ARL10: variants seen among roughly 807,000 people sequenced by gnomAD.
The protein encoded by ARL10 is ARF like GTPase 10.
A neutral mutation model predicts 26.1 loss-of-function variants in ARL10; 23 were observed. The ratio of observed to expected loss-of-function variants is 0.88; its 90% CI spans 0.63 to 1.25. ARL10 has a LOEUF of 1.25. Among genes scored for constraint, ARL10 ranks in the 50% most tolerant of loss-of-function variants. The pLI is 0.00. For synonymous variants in ARL10, 138 were observed against 149.1 expected, an observed-to-expected ratio of 0.93 and a Z score of 0.54; for missense variants, 300 against 323.6, an observed-to-expected ratio of 0.93 and a Z score of 0.56.
rs763926791 is a variant in ARL10 at position 176,371,934 on chromosome 5, A to G, written c.*39A>G. On this transcript the variant is annotated 3_prime_UTR_variant, in exon 4 of 4. Coordinates refer to ENST00000310389, the MANE Select transcript of ARL10 (RefSeq NM_173664.6). The stretch of plus-strand genomic sequence containing the variant: ...TGCTTGCCACCTGCCTGTCAAGACC[A>G]TAGTTGTACTGCTGCTGCTTCATTG... The G allele has an allele frequency of 1.4e-5, 22 of 1,599,376 alleles. No homozygotes were observed. The South Asian group carries it at 2.3e-4, about 17-fold the overall frequency.
intron 1 of ARL10, chr5:176,388,150 G>T: frequency 1.0e-6 from 1 of 998,688 alleles, no homozygotes. Flanking sequence ...GGGAAGGAAT[G>T]GGCAGTACCA....
downstream of ARL10, chr5:176,406,462 G>A (rs200778036): frequency 2.9e-5 from 34 of 1,181,986 alleles, no homozygotes; most frequent in Non-Finnish European, 3.6e-5. Flanking sequence ...ATCCTTCTTT[G>A]GGATTGATCA....
chr5:176,396,644 G>T, intron 1 of ARL10: 1 of 787,242 alleles, frequency 1.3e-6, no homozygotes. Flanking sequence ...ACCTCCAGTG[G>T]GAGAAATGTT....
rs551399085 is a variant in ARL10 at position 176,374,732 on chromosome 5, A to T, written c.*2837A>T. On this transcript the variant is annotated 3_prime_UTR_variant, in exon 4 of 4. Coordinates refer to ENST00000310389, the MANE Select transcript of ARL10 (RefSeq NM_173664.6). ...TAGTTAGCTTTTGGTAACACAAGTC[A>T]TGGTGATTGGGATACCCACTAAAAG... The T allele has an allele frequency of 9.2e-5, 14 of 152,262 alleles. No individual in the cohort carries two copies. Among genetic ancestry groups the T allele is most frequent in the Non-Finnish European group, 1.3e-4 (9 of 68,050 alleles). 9.4% of individuals were successfully genotyped at this position (152,262 alleles called of 1,614,324 possible). A position where few individuals can be genotyped will look rare whatever the true frequency, so the allele number is the denominator to read the frequency against.
chr5:176,371,457 T>TTTAG (rs766301618), intron 3 of ARL10, among the ~76,000 whole-genome samples: 2 of 152,130 alleles, frequency 1.3e-5, no homozygotes, highest in Non-Finnish European at 2.9e-5. Context: ...GAGCATTGAG[T>TTTAG]TTAGGCCAAG....
At chr5:176,384,080 G>A (rs765125024), downstream of ARL10, 3 of 1,593,326 alleles carry the variant, frequency 1.9e-6, no homozygotes, top group Non-Finnish European at 2.6e-6. Context: ...CCCCAGAGCG[G>A]GGAGTGTGCA....
chr5:176,411,386 A>G, the ARL10 span, among the ~76,000 whole-genome samples: 2 of 152,176 alleles, frequency 1.3e-5, no homozygotes, highest in Admixed American at 6.5e-5. Flanking sequence ...AGTGGCCTAT[A>G]GCGCCTACTC....
At chr5:176,389,037 G>A, downstream of ARL10, 2 of 1,587,834 alleles carry the variant, frequency 1.3e-6, no homozygotes, top group Non-Finnish European at 1.7e-6. Flanking sequence ...AGGAAGTAGA[G>A]AAGGACCAGA....
the ARL10 span, among the ~76,000 whole-genome samples, chr5:176,410,999 C>T: frequency 3.3e-5 from 5 of 152,350 alleles, no homozygotes; most frequent in Middle Eastern, 3.4e-3. Context: ...TCTCCCGCAG[C>T]TCAGCCCCAG....
At position 176,380,670 on chromosome 5, in the gene ARL10, A is replaced by AG. The variant is rs1432217430; in HGVS notation, c.*8778dup. The AG allele has an allele frequency of 6.6e-6, 1 of 151,980 alleles. No homozygotes were observed. The highest frequency in any genetic ancestry group is 2.4e-5 in the African/African-American group (1 of 41,350). 9.4% of individuals were successfully genotyped at this position (151,980 alleles called of 1,614,324 possible). ...CCCAGCTAATTTTTGTATTTTTAGT[A>AG]GGGAGGGGTTTCGCCACATTGGCCA... On this transcript the variant is annotated 3_prime_UTR_variant, in exon 4 of 4. Coordinates refer to ENST00000310389, the MANE Select transcript of ARL10 (RefSeq NM_173664.6).
chr5:176,383,952 A>T (rs574881052), downstream of ARL10: 1 of 1,491,570 alleles, frequency 6.7e-7, no homozygotes, highest in East Asian at 2.5e-5. Flanking sequence ...GAAGTAAAAT[A>T]TATTTGCTTT....
the ARL10 span, among the ~76,000 whole-genome samples, chr5:176,411,947 T>A: frequency 2.0e-5 from 3 of 151,778 alleles, no homozygotes; most frequent in Admixed American, 2.0e-4. Context: ...GAGGCTGAGG[T>A]GGGCAGATCA....
chr5:176,390,359 G>C (rs1441143795), downstream of ARL10, among the ~76,000 whole-genome samples: 1 of 151,754 alleles, frequency 6.6e-6, no homozygotes, highest in African/African-American at 2.4e-5. Flanking sequence ...AGAGGGTTCT[G>C]CCCTCCACTC....
chr5:176,406,748 C>T (rs1238999705), downstream of ARL10: 7 of 1,262,308 alleles, frequency 5.5e-6, no homozygotes, highest in Non-Finnish European at 7.2e-6. Flanking sequence ...AAAGCTCTGT[C>T]TGGGATCCTT....
rs927418809 is a variant in ARL10 at position 176,393,958 on chromosome 5, C to G, written c.134-7783C>G. The stretch of plus-strand genomic sequence containing the variant: ...TCAAGCAGGACCAGTTCTGCCGATG[C>G]CAGACATGACTGATGGCAGGAGCGC... On this transcript the variant is annotated intron_variant, in intron 1 of 1. Transcript: ENST00000514533. This position sits in a 1 kb window ranked among gnomAD's most constrained non-coding sequence, Gnocchi z 4.4. Among the ~76,000 whole-genome samples the G allele has an allele frequency of 6.6e-6, 1 of 152,204 alleles. No individual in the cohort carries two copies. Among genetic ancestry groups the G allele is most frequent in the East Asian group, 1.9e-4 (1 of 5,200 alleles).
exon 2 of ARL10, chr5:176,388,408 C>A (rs1285758822): frequency 2.5e-6 from 4 of 1,613,466 alleles, no homozygotes; most frequent in South Asian, 2.2e-5. Context: ...AGGCCCACGG[C>A]CACCCGGAAC....
In ARL10 at chr5:176,368,808, T is replaced by A; in HGVS notation, c.387T>A (p.Ile129=). Residue 129 remains isoleucine (I), a splice_region_variant and synonymous_variant, in exon 3 of 4, where the codon ATT becomes ATA. Transcript: ENST00000310389. This position sits in a 1 kb window ranked among gnomAD's most constrained non-coding sequence, Gnocchi z 4.1. ...AGCTGGCCCCTGGCCTCTCCTCAGT[T>A]GGGGGCAGCCAGAACCTGCGCTTCT... ...TKDFEVDLLE[I]GGSQNLRFYW... is the part of the protein sequence containing the mutation. 6.2e-7 allele frequency: 1 copy of A among 1,608,832 alleles called. No homozygotes were observed. The highest frequency in any genetic ancestry group is 8.5e-7 in the Non-Finnish European group (1 of 1,176,732).
At chr5:176,398,498 G>A (rs1756661330) in intron 1 of ARL10, among the ~76,000 whole-genome samples, 2 of 152,070 alleles carry the variant, frequency 1.3e-5, no homozygotes, top group African/African-American at 4.8e-5. Context: ...ATCACCTGAG[G>A]TTGGGAGTTC....
rs1454329321 is a variant in ARL10 at position 176,375,311 on chromosome 5, T to C, written c.*3416T>C. Reference sequence around the variant, plus strand: ...ACCCATCCATCCATCCATCCATCCATCCATCCATCCATCCATCCATCCATC... The same window carrying C: ...ACCCATCCATCCATCCATCCATCCACCCATCCATCCATCCATCCATCCATC... On this transcript the variant is annotated 3_prime_UTR_variant, in exon 4 of 4. Transcript: ENST00000310389. The C allele has an allele frequency of 1.5e-4, 10 of 67,296 alleles. No homozygotes were observed. The highest frequency in any genetic ancestry group is 8.3e-4 in the South Asian group (2 of 2,404). 4.2% of individuals were successfully genotyped at this position (67,296 alleles called of 1,614,324 possible). A position where few individuals can be genotyped will look rare whatever the true frequency, so the allele number is the denominator to read the frequency against.
Sources: gnomAD v4.1 joint callset for allele counts (sites outside exome capture counted in the v4.1 genomes callset) on GRCh38, gnomAD v4.1.1 for gene constraint, Gnocchi (gnomAD v3.1) non-coding constraint, MANE v1.5 for transcripts, NCBI Gene and HGNC (gene_info 2026-07-23, HGNC 2026-07-21) for gene names.